The following MBP variants were observed in gnomAD, a reference collection of about 807,000 sequenced individuals.
MBP encodes Golli-MBP.
MBP carries 16 observed loss-of-function variants against 35.8 expected under a neutral mutation model. The ratio of observed to expected loss-of-function variants is 0.45; its 90% CI spans 0.30 to 0.68. The LOEUF is 0.68. MBP is among the 30% of genes least tolerant of loss of function. The probability of loss-of-function intolerance (pLI) is 0.08; values close to 1 mark genes in which losing one functional copy is unlikely to be tolerated. For synonymous variants in MBP, 143 were observed against 159.6 expected (o/e 0.90, Z 0.78); for missense variants, 380 against 404.7 (o/e 0.94, Z 0.52).
In MBP at chr18:77,052,153, G is replaced by T. The variant is rs999946253; in HGVS notation, c.139+14145C>A. ...GCCCAAGTCCACCCGACCAGGAACG[G>T]GGGAAGGAGCGGGGCGATCCAACAG... is the stretch of plus-strand genomic sequence containing the variant. On this transcript the variant is annotated intron_variant, in intron 3 of 8. Coordinates refer to ENST00000355994, the MANE Select transcript of MBP (RefSeq NM_001025101.2). Among the ~76,000 whole-genome samples, 6 of 152,196 alleles carry T rather than the reference G, an allele frequency of 3.9e-5. 1 individual carries two copies. Among genetic ancestry groups the T allele is most frequent in the East Asian group, 3.9e-4 (2 of 5,184 alleles).
At chr18:77,092,138 A>G (rs1975553255) in intron 2 of MBP, among the ~76,000 whole-genome samples, 1 of 152,272 alleles carries the variant, frequency 6.6e-6, no homozygotes, top group Non-Finnish European at 1.5e-5. Context: ...TCCAGAGTCT[A>G]AAATAAACCT....
chr18:77,110,013 AT>A (rs778069844), intron 1 of MBP: 31 of 152,244 alleles, frequency 2.0e-4, no homozygotes, highest in African/African-American at 4.6e-4. Flanking sequence ...TTATTTTACA[AT>A]GATTTGCTTT....
At chr18:77,058,211 T>C (rs1229319566) in intron 3 of MBP, among the ~76,000 whole-genome samples, 1 of 152,134 alleles carries the variant, frequency 6.6e-6, no homozygotes, top group Non-Finnish European at 1.5e-5. Flanking sequence ...TCCCCAGCCC[T>C]GGACGTCCAC....
intron 7 of MBP, chr18:76,987,608 A>C: frequency 1.0e-6 from 1 of 985,128 alleles, no homozygotes; most frequent in Non-Finnish European, 1.2e-6. Flanking sequence ...CATTTATATG[A>C]TGCTTATTAA....
At chr18:77,100,343 T>C (rs1975947424) in intron 2 of MBP, among the ~76,000 whole-genome samples, 1 of 152,234 alleles carries the variant, frequency 6.6e-6, no homozygotes, top group African/African-American at 2.4e-5. Flanking sequence ...TCCAGTCTTC[T>C]GGACTGTGAC....
At chr18:76,985,304 G>T in intron 7 of MBP, 1 of 1,300,214 alleles carries the variant, frequency 7.7e-7, no homozygotes, top group Non-Finnish European at 1.0e-6. Flanking sequence ...GGACCCTGGG[G>T]GGCTGTGCGC....
chr18:76,980,641 T>C, intron 8 of MBP, 170 bp from the exon 9 acceptor site: 1 of 603,222 alleles, frequency 1.7e-6, no homozygotes, highest in Non-Finnish European at 3.0e-6. Flanking sequence ...TCTCCCGACC[T>C]CCCTCAGCAA....
At chr18:77,064,897 C>T (rs1261004795) in intron 3 of MBP, among the ~76,000 whole-genome samples, 2 of 152,194 alleles carry the variant, frequency 1.3e-5, no homozygotes, top group African/African-American at 4.8e-5. Flanking sequence ...GAGCACATTT[C>T]ATTCCACCCC....
chr18:77,116,123 G>A (rs1976651964), intron 1 of MBP, among the ~76,000 whole-genome samples: 2 of 147,038 alleles, frequency 1.4e-5, no homozygotes, highest in African/African-American at 5.0e-5. Context: ...GCTCTGAGCT[G>A]TCTCCTGAGG....
At chr18:76,986,054 C>T (rs1436281810) in intron 7 of MBP, 14 of 985,544 alleles carry the variant, frequency 1.4e-5, no homozygotes, top group East Asian at 2.3e-4. Context: ...GGAAGGAGCT[C>T]GCTGTGGGAG....
chr18:77,054,743 G>T (rs1057221906), intron 3 of MBP, among the ~76,000 whole-genome samples: 1 of 152,104 alleles, frequency 6.6e-6, no homozygotes, highest in African/African-American at 2.4e-5. Context: ...AGCGGCGGGT[G>T]ACACAACCAT....
chr18:77,050,647 A>G (rs59097030), intron 3 of MBP, among the ~76,000 whole-genome samples: 12,370 of 152,240 alleles, frequency 0.081, 643 homozygotes, highest in South Asian at 0.13. Flanking sequence ...CCCAGATTCA[A>G]GTGATTCTCC....
chr18:77,088,648 TTA>T (rs1365436922), intron 2 of MBP, among the ~76,000 whole-genome samples: 1 of 101,644 alleles, frequency 9.8e-6, no homozygotes, highest in Non-Finnish European at 2.1e-5. Flanking sequence ...TTGTGCTTCT[TTA>T]TTTCTCTAAA....
intron 1 of MBP, 62 bp from the exon 2 acceptor site, chr18:77,105,348 T>G (rs1165255751): frequency 9.4e-7 from 1 of 1,068,892 alleles, no homozygotes; most frequent in Admixed American, 1.7e-5. Context: ...TCGATGTTGT[T>G]TTTCCATCAG....
At chr18:77,034,748 C>T (rs1351792767) in intron 3 of MBP, among the ~76,000 whole-genome samples, 2 of 152,184 alleles carry the variant, frequency 1.3e-5, no homozygotes, top group African/African-American at 4.8e-5. Context: ...TCTTGCTTTG[C>T]GACCATTGGC....
At chr18:77,106,211 CG>C (rs919693513) in intron 1 of MBP, among the ~76,000 whole-genome samples, 4 of 152,190 alleles carry the variant, frequency 2.6e-5, no homozygotes, top group Non-Finnish European at 4.4e-5. Context: ...CTTCTGAACA[CG>C]GGGAGAGAGG....
intron 2 of MBP, among the ~76,000 whole-genome samples, chr18:77,081,813 C>CATATATATACACACACT (rs1555726070): frequency 1.1e-5 from 1 of 90,698 alleles, no homozygotes; most frequent in East Asian, 3.1e-4. Context: ...TATGCACACA[C>CATATATATACACACACT]ATATATACAC....
intron 3 of MBP, among the ~76,000 whole-genome samples, chr18:77,039,044 G>A (rs760981368): frequency 1.2e-4 from 19 of 152,156 alleles, no homozygotes; most frequent in Non-Finnish European, 2.5e-4. Context: ...ATAGTATTTT[G>A]TGACACATGA....
At chr18:77,109,685 A>G (rs538523758) in intron 1 of MBP, 1 of 152,344 alleles carries the variant, frequency 6.6e-6, no homozygotes, top group East Asian at 1.9e-4. Context: ...AAATGTAGGG[A>G]GCAAACATCG....
Sources: allele counts gnomAD v4.1 joint callset (sites outside exome capture counted in the v4.1 genomes callset), GRCh38; gene constraint gnomAD v4.1.1; transcripts MANE v1.5; gene names NCBI Gene and HGNC (gene_info 2026-07-23, HGNC 2026-07-21).